Variants in PRPF6 observed in about 807,000 individuals in gnomAD.
The protein encoded by PRPF6 is pre-mRNA processing factor 6, also known as pre-mRNA-processing factor 6.
Under a neutral mutation model 118.3 loss-of-function variants are expected in PRPF6, and 42 were observed. The ratio of observed to expected loss-of-function variants is 0.35; its 90% CI spans 0.28 to 0.46. The LOEUF (loss-of-function observed/expected upper bound fraction) is 0.46. Among genes scored for constraint, PRPF6 ranks in the 20% least tolerant of loss-of-function variants. PRPF6 has a pLI of 1.00. For missense variants in PRPF6, 662 were observed against 1,255.7 expected, an observed-to-expected ratio of 0.53 and a Z score of 7.15; for synonymous variants, 481 against 485.1, an observed-to-expected ratio of 0.99 and a Z score of 0.11.
chr20:63,999,809 C>T (rs1230397799), intron 8 of PRPF6, 50 bp downstream of exon 8: 1 of 1,603,402 alleles, frequency 6.2e-7, no homozygotes, highest in Non-Finnish European at 8.5e-7. Flanking sequence ...TGATTGTGGC[C>T]CCTACGGGAG....
chr20:64,015,454 TCTG>T (rs1320376401), intron 11 of PRPF6, among the ~76,000 whole-genome samples: 8 of 152,098 alleles, frequency 5.3e-5, no homozygotes, highest in African/African-American at 1.9e-4. Context: ...CCTGGGAGGG[TCTG>T]GGAGGCATGT....
In PRPF6 at chr20:63,995,457, C is replaced by G; in HGVS notation, c.746C>G (p.Thr249Ser). ...DMRKIGQARN[T>S]LMDMRLSQVS... ...AGGAAGATTGGCCAAGCGAGGAACA[C>G]TCTGATGGACATGAGGCTGAGCCAG... The change falls in exon 6 of 21, where the codon ACT becomes AGT. Residue 249 changes from threonine (T) to serine (S), a missense_variant. By Grantham distance (58) the Thr-to-Ser change is moderately conservative (BLOSUM62 1). Coordinates refer to ENST00000266079, the MANE Select transcript of PRPF6 (RefSeq NM_012469.4). 1 of 1,614,152 alleles carries G rather than the reference C, an allele frequency of 6.2e-7. No individual in the cohort carries two copies. The highest frequency in any genetic ancestry group is 8.5e-7 in the Non-Finnish European group (1 of 1,180,028).
Position 64,032,189 on chromosome 20 carries a change from A to G in PRPF6, c.2673+145A>G. On this transcript the variant is annotated intron_variant, in intron 20 of 20. Transcript: ENST00000266079. ...GATGGACCGGGTGTGTGGGGCACAG[A>G]ATCCTCGACACCTCCCCACAAGGCA... 4 of 1,276,878 alleles carry G rather than the reference A, an allele frequency of 3.1e-6. No individual in the cohort carries two copies. In the South Asian group the frequency reaches 4.9e-5, roughly 16 times the overall value. 79.1% of individuals were successfully genotyped at this position (1,276,878 alleles called of 1,614,324 possible). A position where few individuals can be genotyped will look rare whatever the true frequency, so the allele number is the denominator to read the frequency against.
chr20:64,031,123 C>A (rs1258264495), intron 19 of PRPF6, among the ~76,000 whole-genome samples: 1 of 152,224 alleles, frequency 6.6e-6, no homozygotes, highest in African/African-American at 2.4e-5. Flanking sequence ...CGGTGTGAAT[C>A]CAGTGGCCTG....
rs2059299366 is a variant in PRPF6, at chr20:64,028,060, G to T, written c.2339+324G>T. On this transcript the variant is annotated intron_variant, in intron 17 of 20. Transcript: ENST00000266079. This position sits in a 1 kb window ranked among gnomAD's most constrained non-coding sequence, Gnocchi z 6.5. The stretch of plus-strand genomic sequence containing the variant: ...AGCTCCACAGAGGAGGTGGCGTGGA[G>T]AGCCCTGGAGGTGGACAGGAGCCTG... Among the ~76,000 whole-genome samples the T allele has an allele frequency of 6.6e-6, 1 of 152,210 alleles. No homozygotes were observed. Among genetic ancestry groups the T allele is most frequent in the Non-Finnish European group, 1.5e-5 (1 of 68,036 alleles).
chr20:63,991,039 G>T (rs899955189), intron 3 of PRPF6, among the ~76,000 whole-genome samples: 7 of 152,104 alleles, frequency 4.6e-5, no homozygotes, highest in Admixed American at 3.3e-4. Context: ...CCTAACCTTG[G>T]CCTCCCAAAG....
At chr20:64,022,528 G>A (rs888433284) in intron 12 of PRPF6, among the ~76,000 whole-genome samples, 3 of 152,126 alleles carry the variant, frequency 2.0e-5, no homozygotes, top group African/African-American at 4.8e-5. Context: ...GGCTGGTCTC[G>A]AACTCCTGAC....
intron 12 of PRPF6, among the ~76,000 whole-genome samples, chr20:64,020,140 C>T (rs115029582): frequency 0.012 from 1,871 of 152,238 alleles, 34 homozygotes; most frequent in African/African-American, 0.043. Flanking sequence ...AGCGGCCGGG[C>T]GCAGTGGCTC....
chr20:63,995,545 T>C, intron 6 of PRPF6, 63 bp downstream of exon 6: 1 of 1,592,936 alleles, frequency 6.3e-7, no homozygotes, highest in Non-Finnish European at 8.6e-7. Flanking sequence ...TGTTTTGTTT[T>C]CTTTTTCTCC....
intron 12 of PRPF6, among the ~76,000 whole-genome samples, chr20:64,017,630 C>A (rs538715205): frequency 1.3e-5 from 2 of 150,464 alleles, no homozygotes; most frequent in Admixed American, 6.6e-5. Context: ...TGAGCCGCCG[C>A]GCCCGGCCTC....
At chr20:63,983,785 C>G (rs1242335830) in intron 2 of PRPF6, among the ~76,000 whole-genome samples, 1 of 151,502 alleles carries the variant, frequency 6.6e-6, no homozygotes, top group Non-Finnish European at 1.5e-5. Context: ...CTCCAAGTAA[C>G]TGGGATTACA....
rs2059288736 is a variant in PRPF6 at position 64,026,066 on chromosome 20, G to A, written c.2028+8G>A. The stretch of plus-strand genomic sequence containing the variant: ...AGTGCCCCCACCGCCCGGGTACGCA[G>A]TGGCAGGCAGGGCTGGGCCGTCTGG... On this transcript the variant is annotated splice_region_variant and intron_variant, in intron 15 of 20. Coordinates refer to ENST00000266079, the MANE Select transcript of PRPF6 (RefSeq NM_012469.4). The surrounding 1 kb of genome is among the most constrained non-coding windows in gnomAD (Gnocchi z 4.4). 1 of 1,602,234 alleles carries A rather than the reference G, an allele frequency of 6.2e-7. No individual in the cohort carries two copies. The highest frequency in any genetic ancestry group is 8.5e-7 in the Non-Finnish European group (1 of 1,179,572).
intron 3 of PRPF6, among the ~76,000 whole-genome samples, chr20:63,985,269 G>GGACCGTTT (rs1218813661): frequency 6.6e-6 from 1 of 151,864 alleles, no homozygotes; most frequent in South Asian, 2.1e-4. Context: ...TGAGGTGGAA[G>GGACCGTTT]GACCGTTTAA....
intron 14 of PRPF6, 134 bp from the exon 15 acceptor site, chr20:64,025,805 G>A (rs920644607): frequency 2.4e-5 from 37 of 1,516,804 alleles, no homozygotes; most frequent in Middle Eastern, 1.7e-4. Flanking sequence ...TCCCTGGGAA[G>A]GGCTTGGACC....
At position 64,028,580 on chromosome 20, in the gene PRPF6, G is replaced by A; in HGVS notation, c.2431+11G>A. ...AGTGCCCCAACTCCGGTAAGGGGGT[G>A]CCCCGACTCCGGTAAGGGGGTGCCC... On this transcript the variant is annotated intron_variant, in intron 18 of 20. Coordinates refer to ENST00000266079, the MANE Select transcript of PRPF6 (RefSeq NM_012469.4). The surrounding 1 kb of genome is among the most constrained non-coding windows in gnomAD (Gnocchi z 6.5). The A allele has an allele frequency of 6.2e-7, 1 of 1,608,464 alleles. No homozygotes were observed. The highest frequency in any genetic ancestry group is 8.5e-7 in the Non-Finnish European group (1 of 1,177,628).
chr20:64,007,381 C>CTCCCCTCTGCCTCCCG (rs2059195130), intron 9 of PRPF6, among the ~76,000 whole-genome samples: 1 of 147,522 alleles, frequency 6.8e-6, no homozygotes, highest in Non-Finnish European at 1.5e-5. Context: ...CCCGCCTCCC[C>CTCCCCTCTGCCTCCCG]TCCCCTCTGC....
rs373482746 is a variant in PRPF6 at position 64,029,327 on chromosome 20, G to A, written c.2432-50G>A. The A allele has an allele frequency of 1.5e-5, 23 of 1,563,440 alleles. No homozygotes were observed. The African/African-American group carries it at 1.5e-4, about 10-fold the overall frequency. ...GAATCTGTAGGCTGGGCACCTTTCCGGAACCAGAGGCTGGAGTGCAAATCT... is the reference window on the plus strand; with the variant it reads ...GAATCTGTAGGCTGGGCACCTTTCCAGAACCAGAGGCTGGAGTGCAAATCT... On this transcript the variant is annotated intron_variant, in intron 18 of 20. Coordinates refer to ENST00000266079, the MANE Select transcript of PRPF6 (RefSeq NM_012469.4). The surrounding 1 kb of genome is among the most constrained non-coding windows in gnomAD (Gnocchi z 4.8).
rs1299162795 is a variant in PRPF6, at chr20:64,028,189, G to A, written c.2340-289G>A. On this transcript the variant is annotated intron_variant, in intron 17 of 20. Coordinates refer to ENST00000266079, the MANE Select transcript of PRPF6 (RefSeq NM_012469.4). This position sits in a 1 kb window ranked among gnomAD's most constrained non-coding sequence, Gnocchi z 6.5. Reference sequence around the variant, plus strand: ...CAGACAGGCAGCTTCTGGGTGCCTTGTGCGGCCCTGGCTCTCCCAGTCTGG... The same window carrying A: ...CAGACAGGCAGCTTCTGGGTGCCTTATGCGGCCCTGGCTCTCCCAGTCTGG... Among the ~76,000 whole-genome samples the A allele has an allele frequency of 6.6e-6, 1 of 152,236 alleles. No homozygotes were observed. The highest frequency in any genetic ancestry group is 1.9e-4 in the East Asian group (1 of 5,198).
intron 12 of PRPF6, among the ~76,000 whole-genome samples, chr20:64,021,888 CTGTGTG>C (rs71800785): frequency 9.0e-6 from 1 of 110,884 alleles, no homozygotes; most frequent in African/African-American, 3.5e-5. Context: ...AGCCCCGTGT[CTGTGTG>C]TGTGTGTGTG....
Sources: allele counts gnomAD v4.1 joint callset (sites outside exome capture counted in the v4.1 genomes callset), GRCh38; gene constraint gnomAD v4.1.1; non-coding constraint Gnocchi (gnomAD v3.1); transcripts MANE v1.5; gene names NCBI Gene and HGNC (gene_info 2026-07-23, HGNC 2026-07-21).